ECT2L: variants seen among roughly 807,000 people sequenced by gnomAD.
ECT2L encodes the protein epithelial cell-transforming sequence 2 oncogene-like.
In ECT2L, 126 loss-of-function variants were observed where a neutral mutation model predicts 122.8. The ratio of observed to expected loss-of-function variants is 1.03; its 90% CI spans 0.89 to 1.19. The LOEUF is 1.19. Among genes scored for constraint, ECT2L ranks in the 50% most tolerant of loss-of-function variants. The pLI, the probability that ECT2L is intolerant of heterozygous loss-of-function variation, is 0.00. For missense variants in ECT2L, 1,012 were observed against 1,064.1 expected (o/e 0.95, Z 0.68); for synonymous variants, 385 against 381.8 (o/e 1.01, Z -0.10).
chr6:138,819,533 T>G (rs1182059885), intron 4 of ECT2L, among the ~76,000 whole-genome samples: 1 of 143,044 alleles, frequency 7.0e-6, no homozygotes, highest in Non-Finnish European at 1.6e-5. Context: ...AGCAAAGACT[T>G]TGGTGACTCT....
chr6:138,851,829 G>A (rs1361793226), intron 9 of ECT2L, among the ~76,000 whole-genome samples: 1 of 152,124 alleles, frequency 6.6e-6, no homozygotes, highest in Non-Finnish European at 1.5e-5. Context: ...TGATGAAAGT[G>A]CAGCAATTTT....
At chr6:138,900,397 C>T (rs1779359626) in intron 20 of ECT2L, among the ~76,000 whole-genome samples, 1 of 152,104 alleles carries the variant, frequency 6.6e-6, no homozygotes, top group South Asian at 2.1e-4. Context: ...CAGGCATGTG[C>T]CACCATGCAT....
chr6:138,883,948 G>C (rs560113366), intron 16 of ECT2L, among the ~76,000 whole-genome samples: 1 of 152,236 alleles, frequency 6.6e-6, no homozygotes, highest in South Asian at 2.1e-4. Context: ...CTGCAGCCTC[G>C]ACTTCCCCAG....
At chr6:138,884,568 G>A (rs1421429980) in intron 16 of ECT2L, among the ~76,000 whole-genome samples, 3 of 151,998 alleles carry the variant, frequency 2.0e-5, no homozygotes, top group Admixed American at 1.3e-4. Flanking sequence ...AACCTGGGAG[G>A]CAGAGGTTGC....
At chr6:138,901,986 C>T (rs1488144547) in intron 21 of ECT2L, among the ~76,000 whole-genome samples, 1 of 152,228 alleles carries the variant, frequency 6.6e-6, no homozygotes. Context: ...AATTAACTAT[C>T]ATCACTGGGT....
chr6:138,817,402 AAATT>A (rs1439769775), intron 4 of ECT2L, among the ~76,000 whole-genome samples: 4 of 152,226 alleles, frequency 2.6e-5, no homozygotes, highest in Non-Finnish European at 5.9e-5. Flanking sequence ...AACTGTAAAT[AAATT>A]AATAAATGAA....
In ECT2L at chr6:138,811,570, C is replaced by T. The variant is rs1412380273; in HGVS notation, c.-243-1268C>T. 2.6e-5 allele frequency among the ~76,000 whole-genome samples: 4 copies of T among 152,238 alleles called. No homozygotes were observed. In the East Asian group the frequency reaches 5.8e-4, roughly 22 times the overall value. On this transcript the variant is annotated intron_variant, in intron 1 of 21. Coordinates refer to ENST00000541398, the MANE Select transcript of ECT2L (RefSeq NM_001077706.3). ...GACTAGTGTCCTTATAAGAAGAGAC[C>T]AGGTGCAGCTCGCATCTGTAATCCC...
At chr6:138,869,449 G>A (rs1045931406) in intron 13 of ECT2L, among the ~76,000 whole-genome samples, 5 of 152,200 alleles carry the variant, frequency 3.3e-5, no homozygotes, top group Admixed American at 2.6e-4. Flanking sequence ...ATTTCTGGGC[G>A]TAGCTGTCCT....
At chr6:138,819,405 CCCT>C (rs1776192565) in intron 4 of ECT2L, among the ~76,000 whole-genome samples, 1 of 152,020 alleles carries the variant, frequency 6.6e-6, no homozygotes, top group African/African-American at 2.4e-5. Flanking sequence ...AGCTGCTCTC[CCCT>C]CCTTTCTCAT....
At chr6:138,801,321 T>A (rs1044929997) in intron 1 of ECT2L, among the ~76,000 whole-genome samples, 1 of 152,182 alleles carries the variant, frequency 6.6e-6, no homozygotes, top group Admixed American at 6.5e-5. Context: ...GTGAATCCAC[T>A]CCCCTTAGAT....
intron 1 of ECT2L, among the ~76,000 whole-genome samples, chr6:138,808,366 TC>T (rs2128370976): frequency 6.6e-6 from 1 of 152,216 alleles, no homozygotes; most frequent in Non-Finnish European, 1.5e-5. Context: ...TACCTCAGCC[TC>T]CAGAGTAGGT....
At chr6:138,819,287 A>C (rs1043072539) in intron 4 of ECT2L, among the ~76,000 whole-genome samples, 1 of 151,668 alleles carries the variant, frequency 6.6e-6, no homozygotes, top group African/African-American at 2.4e-5. Flanking sequence ...GGGAGAAAGC[A>C]GAAAGCCAAA....
intron 20 of ECT2L, among the ~76,000 whole-genome samples, chr6:138,896,532 T>C (rs1779219391): frequency 1.3e-5 from 2 of 152,222 alleles, no homozygotes; most frequent in African/African-American, 4.8e-5. Context: ...TTGACTCATT[T>C]TGGGGACCCC....
chr6:138,899,305 T>A (rs1276487846), intron 20 of ECT2L, among the ~76,000 whole-genome samples: 1 of 152,136 alleles, frequency 6.6e-6, no homozygotes, highest in African/African-American at 2.4e-5. Flanking sequence ...GTACTAGTCA[T>A]TAAAAAGAAG....
intron 10 of ECT2L, among the ~76,000 whole-genome samples, chr6:138,860,707 A>ATCTTTTTTT (rs1777796012): frequency 7.4e-6 from 1 of 135,798 alleles, no homozygotes; most frequent in African/African-American, 2.8e-5. Flanking sequence ...TGAAGGGGCT[A>ATCTTTTTTT]TTTTTTTTTT....
At chr6:138,848,878 C>A (rs1562472845) in intron 8 of ECT2L, among the ~76,000 whole-genome samples, 1 of 152,202 alleles carries the variant, frequency 6.6e-6, no homozygotes, top group Non-Finnish European at 1.5e-5. Context: ...TGGTCTCTAA[C>A]TCTTGAGCTC....
At chr6:138,828,099 T>C (rs1185576641) in intron 4 of ECT2L, among the ~76,000 whole-genome samples, 3 of 152,032 alleles carry the variant, frequency 2.0e-5, no homozygotes, top group Non-Finnish European at 4.4e-5. Flanking sequence ...TGACAGGCCC[T>C]GGTGTGTGAT....
At chr6:138,894,980 T>A (rs1461088813) in intron 20 of ECT2L, among the ~76,000 whole-genome samples, 4 of 152,086 alleles carry the variant, frequency 2.6e-5, no homozygotes, top group Non-Finnish European at 1.5e-5. Context: ...TGAAATTGAC[T>A]GGGTGTGGTG....
intron 5 of ECT2L, among the ~76,000 whole-genome samples, chr6:138,842,727 G>C (rs1327267925): frequency 1.3e-5 from 2 of 152,068 alleles, no homozygotes; most frequent in Non-Finnish European, 2.9e-5. Context: ...AGCCGAGCTC[G>C]TGCCACTGCA....
Sources: gnomAD v4.1 joint callset for allele counts (sites outside exome capture counted in the v4.1 genomes callset) on GRCh38, gnomAD v4.1.1 for gene constraint, MANE v1.5 for transcripts, NCBI Gene and HGNC (gene_info 2026-07-23, HGNC 2026-07-21) for gene names.